Variants in CKAP5 observed in about 807,000 individuals in gnomAD.
CKAP5 encodes cytoskeleton associated protein 5.
Under a neutral mutation model 232.8 loss-of-function variants are expected in CKAP5, and 27 were observed. That is an observed-to-expected ratio of 0.12 (90% confidence interval 0.09 to 0.16). CKAP5 has a LOEUF of 0.16. Among genes scored for constraint, CKAP5 ranks in the 10% least tolerant of loss-of-function variants. The probability of loss-of-function intolerance (pLI) is 1.00; values close to 1 mark genes in which losing one functional copy is unlikely to be tolerated. For missense variants in CKAP5, 1,838 were observed against 2,424.7 expected, an observed-to-expected ratio of 0.76 and a Z score of 5.08; for synonymous variants, 785 against 841.1, an observed-to-expected ratio of 0.93 and a Z score of 1.16.
At chr11:46,837,504 A>G (rs1939943626) in intron 1 of CKAP5, among the ~76,000 whole-genome samples, 1 of 152,226 alleles carries the variant, frequency 6.6e-6, no homozygotes, top group African/African-American at 2.4e-5. Context: ...CCCCAGTAGC[A>G]AAGAGAACAC....
intron 1 of CKAP5, among the ~76,000 whole-genome samples, chr11:46,821,965 G>C (rs893548354): frequency 6.6e-6 from 1 of 152,062 alleles, no homozygotes; most frequent in Non-Finnish European, 1.5e-5. Context: ...CTTGAACCTG[G>C]GAGGAGGAGG....
intron 13 of CKAP5, among the ~76,000 whole-genome samples, chr11:46,791,793 C>G (rs1438764706): frequency 6.6e-6 from 1 of 152,128 alleles, no homozygotes; most frequent in African/African-American, 2.4e-5. Context: ...CAAATGATAA[C>G]TGTATTATGG....
Position 46,809,497 on chromosome 11 carries a change from C to A in CKAP5, c.767G>T (p.Gly256Val). Residue 256 changes from glycine (G) to valine (V), a missense_variant, in exon 7 of 44, where the codon GGT becomes GTT. Transcript: ENST00000529230. ...QSAGGDAEGGGDDGDEVPQID... is the reference protein window; with the variant it reads ...QSAGGDAEGGVDDGDEVPQID... Reference sequence around the variant, plus strand: ...TTGTGGCACCTCATCACCATCATCACCACCTTTAAGGAGAAAAACAACACA... The same window carrying A: ...TTGTGGCACCTCATCACCATCATCAACACCTTTAAGGAGAAAAACAACACA... 1 of 1,607,536 alleles carries A rather than the reference C, an allele frequency of 6.2e-7. No homozygotes were observed. The highest frequency in any genetic ancestry group is 8.5e-7 in the Non-Finnish European group (1 of 1,175,008).
At chr11:46,786,577 A>G (rs890436009) in intron 16 of CKAP5, among the ~76,000 whole-genome samples, 8 of 152,258 alleles carry the variant, frequency 5.3e-5, no homozygotes, top group African/African-American at 1.9e-4. Flanking sequence ...GTGTAAGTCC[A>G]TAATACCAGC....
At chr11:46,755,188 T>TA (rs1007483233) in intron 35 of CKAP5, 121 bp from the exon 36 acceptor site, 265 of 656,170 alleles carry the variant, frequency 4.0e-4, no homozygotes, top group African/African-American at 2.5e-3. Flanking sequence ...AGTCTTACCT[T>TA]AAAAAAAAGC....
intron 8 of CKAP5, chr11:46,802,204 T>C (rs942057773): frequency 1.3e-5 from 2 of 152,174 alleles, no homozygotes; most frequent in Admixed American, 1.3e-4. Context: ...GATTCTCCTC[T>C]AGCACTGCTT....
chr11:46,792,517 C>T (rs1440733025), intron 13 of CKAP5, among the ~76,000 whole-genome samples: 15 of 151,828 alleles, frequency 9.9e-5, no homozygotes, highest in African/African-American at 3.6e-4. Flanking sequence ...CGTGCCACCG[C>T]ACTCCAGCTT....
intron 24 of CKAP5, 134 bp from the exon 25 acceptor site, chr11:46,771,116 G>T: frequency 1.5e-6 from 1 of 647,636 alleles, no homozygotes; most frequent in Non-Finnish European, 2.6e-6. Flanking sequence ...TATGAAATCA[G>T]TACTTTTCAT....
chr11:46,802,561 C>CACACAT (rs1555165934), intron 8 of CKAP5, among the ~76,000 whole-genome samples: 7 of 87,640 alleles, frequency 8.0e-5, no homozygotes, highest in African/African-American at 2.5e-4. Context: ...CAGACAGACA[C>CACACAT]ACACACACAC....
chr11:46,830,868 T>C (rs1939775394), intron 1 of CKAP5, among the ~76,000 whole-genome samples: 1 of 152,028 alleles, frequency 6.6e-6, no homozygotes, highest in South Asian at 2.1e-4. Flanking sequence ...ATCGAGACCA[T>C]CCTGGCTAAC....
chr11:46,748,399 C>T (rs936742557), intron 42 of CKAP5, among the ~76,000 whole-genome samples: 12 of 152,040 alleles, frequency 7.9e-5, no homozygotes, highest in Admixed American at 2.6e-4. Context: ...AATTTCCTGA[C>T]GGAAAGGAAG....
At position 46,776,348 on chromosome 11, in the gene CKAP5, A is replaced by C. The variant is rs1429310150; in HGVS notation, c.2898T>G (p.Asn966Lys). Residue 966 changes from asparagine (N) to lysine (K), a missense_variant, in exon 24 of 44, where the codon AAT (asparagine) becomes AAG (lysine). Asn to Lys is a moderately conservative substitution (Grantham distance 94). Coordinates refer to ENST00000529230, the MANE Select transcript of CKAP5 (RefSeq NM_001008938.4). The stretch of plus-strand genomic sequence containing the variant: ...TCATGCCAGTCTGTTCTGCCCAAGC[A>C]TTCACAGTCGCTAGGGCAGCAGCTC... ...NVRAAALATV[N>K]AWAEQTGMKE... The C allele has an allele frequency of 6.2e-7, 1 of 1,613,528 alleles. No homozygotes were observed. The highest frequency in any genetic ancestry group is 1.1e-5 in the South Asian group (1 of 91,028).
At chr11:46,749,276 G>A (rs888780846) in intron 42 of CKAP5, among the ~76,000 whole-genome samples, 22 of 151,476 alleles carry the variant, frequency 1.5e-4, no homozygotes, top group Admixed American at 2.6e-4. Flanking sequence ...CCAACATGGA[G>A]AAACCCCATC....
chr11:46,765,115 C>G lies in CKAP5; in HGVS notation c.3537+16G>C. 1.1e-5 allele frequency: 18 copies of G among 1,605,376 alleles called. No homozygotes were observed. The highest frequency in any genetic ancestry group is 1.4e-5 in the Non-Finnish European group (17 of 1,176,552). ...TACAAGCAAAAATCTCCTGACGATT[C>G]TTAATCCTTCCTTACCTTCAATCCT... On this transcript the variant is annotated intron_variant, in intron 28 of 43. Coordinates refer to ENST00000529230, the MANE Select transcript of CKAP5 (RefSeq NM_001008938.4).
At chr11:46,796,232 T>C (rs1418535063) in intron 12 of CKAP5, among the ~76,000 whole-genome samples, 3 of 151,538 alleles carry the variant, frequency 2.0e-5, no homozygotes, top group African/African-American at 7.3e-5. Flanking sequence ...AGATAAATTA[T>C]CTACACTTTT....
intron 23 of CKAP5, among the ~76,000 whole-genome samples, chr11:46,776,804 T>C (rs2065294904): frequency 6.8e-6 from 1 of 147,902 alleles, no homozygotes; most frequent in African/African-American, 2.5e-5. Flanking sequence ...GTTATATTTT[T>C]ATATTAATTT....
chr11:46,779,392 C>A (rs534349588), intron 20 of CKAP5, among the ~76,000 whole-genome samples: 1 of 152,252 alleles, frequency 6.6e-6, no homozygotes, highest in Non-Finnish European at 1.5e-5. Context: ...CTTGGCCTCC[C>A]AAAGTGATGG....
In CKAP5 at chr11:46,807,427, A is replaced by G. The variant is rs151323440; in HGVS notation, c.978+604T>C. Among the ~76,000 whole-genome samples the G allele has an allele frequency of 2.8e-3, 419 of 152,334 alleles. 2 individuals carry two copies. Among genetic ancestry groups the G allele is most frequent in the African/African-American group, 9.5e-3 (397 of 41,576 alleles). ...ACAAAACAAAATTTTCATTCTTGCT[A>G]TATTCATGAAGATGTTTTCAGAGTT... is the stretch of plus-strand genomic sequence containing the variant. On this transcript the variant is annotated intron_variant, in intron 8 of 43. Coordinates refer to ENST00000529230, the MANE Select transcript of CKAP5 (RefSeq NM_001008938.4).
At chr11:46,804,942 A>G (rs1184927269) in intron 8 of CKAP5, among the ~76,000 whole-genome samples, 1 of 151,918 alleles carries the variant, frequency 6.6e-6, no homozygotes, top group Non-Finnish European at 1.5e-5. Flanking sequence ...TCTTATAAAT[A>G]AAAGAACTAT....
Sources: gnomAD v4.1 joint callset for allele counts (sites outside exome capture counted in the v4.1 genomes callset) on GRCh38, gnomAD v4.1.1 for gene constraint, MANE v1.5 for transcripts, NCBI Gene and HGNC (gene_info 2026-07-23, HGNC 2026-07-21) for gene names.